LAMA2: variants seen among roughly 807,000 people sequenced by gnomAD.
LAMA2 encodes the protein laminin subunit alpha 2, also known as laminin subunit alpha-2.
A neutral mutation model predicts 364.8 loss-of-function variants in LAMA2; 269 were observed. The observed-to-expected ratio is 0.74, with a 90% CI of 0.67 to 0.82. The LOEUF (loss-of-function observed/expected upper bound fraction) is 0.82. LAMA2 is among the 40% of genes least tolerant of loss of function. The pLI, the probability that LAMA2 is intolerant of heterozygous loss-of-function variation, is 0.00. For missense variants in LAMA2, 3,807 were observed against 3,873.2 expected (o/e 0.98, Z 0.45); for synonymous variants, 1,379 against 1,370.6 (o/e 1.01, Z -0.14).
intron 1 of LAMA2, among the ~76,000 whole-genome samples, chr6:128,975,517 A>C (rs555609944): frequency 6.6e-6 from 1 of 152,198 alleles, no homozygotes; most frequent in Non-Finnish European, 1.5e-5. Context: ...GATGGAGGAC[A>C]AAGAGGCAGC....
chr6:129,318,216 A>G (rs1228605172), intron 27 of LAMA2, among the ~76,000 whole-genome samples: 1 of 152,212 alleles, frequency 6.6e-6, no homozygotes, highest in Non-Finnish European at 1.5e-5. Context: ...AGAGAGTTTA[A>G]GAGTTTATAT....
chr6:129,225,209 T>A (rs549147199), intron 12 of LAMA2, among the ~76,000 whole-genome samples: 4 of 152,206 alleles, frequency 2.6e-5, no homozygotes, highest in Non-Finnish European at 5.9e-5. Flanking sequence ...TTGCATCTAT[T>A]TGATTCTTCT....
Position 129,478,813 on chromosome 6 carries a change from G to A in LAMA2, c.7572G>A (p.Glu2524=), listed in dbSNP as rs1784212340. The A allele has an allele frequency of 3.1e-6, 5 of 1,612,850 alleles. No homozygotes were observed. Among genetic ancestry groups the A allele is most frequent in the South Asian group, 1.1e-5 (1 of 91,074 alleles). Residue 2524 remains glutamate, a splice_region_variant and synonymous_variant, in exon 54 of 65, where the codon GAG becomes GAA. Transcript: ENST00000421865. ...YVGVTKGCSL[E]NVYTVSFPKP... ...GTGTTACCAAAGGATGTTCCCTGGA[G>A]GTTGGTCTGTTTTTGATAGTTCTCT...
intron 1 of LAMA2, among the ~76,000 whole-genome samples, chr6:128,889,463 G>A (rs1776324262): frequency 6.6e-6 from 1 of 152,038 alleles, no homozygotes; most frequent in South Asian, 2.1e-4. Flanking sequence ...TTGGACTATA[G>A]TAATGCAATT....
chr6:129,373,931 A>G (rs926822284), intron 34 of LAMA2, among the ~76,000 whole-genome samples: 1 of 152,144 alleles, frequency 6.6e-6, no homozygotes, highest in Non-Finnish European at 1.5e-5. Flanking sequence ...TTACTCTTTT[A>G]TGCCCTTTTC....
rs80324698 is a variant in LAMA2, at chr6:129,368,724, T to C, written c.4861-1168T>C. On this transcript the variant is annotated intron_variant, in intron 33 of 64. Coordinates refer to ENST00000421865, the MANE Select transcript of LAMA2 (RefSeq NM_000426.4). Reference sequence around the variant, plus strand: ...TGGCTGGATATTGATCCAGATGACCTGGATTATCCTTAAATTCTAGTCTTT... The same window carrying C: ...TGGCTGGATATTGATCCAGATGACCCGGATTATCCTTAAATTCTAGTCTTT... Among the ~76,000 whole-genome samples, 1,346 of 152,352 alleles carry C rather than the reference T, an allele frequency of 8.8e-3. 20 individuals are homozygous for C. The highest frequency in any genetic ancestry group is 0.031 in the African/African-American group (1,294 of 41,578).
intron 1 of LAMA2, among the ~76,000 whole-genome samples, chr6:129,048,283 C>CT (rs1787680188): frequency 6.6e-6 from 1 of 152,042 alleles, no homozygotes; most frequent in Non-Finnish European, 1.5e-5. Context: ...AGTGCCTACT[C>CT]TGTCCCTACT....
intron 1 of LAMA2, among the ~76,000 whole-genome samples, chr6:128,923,467 T>C (rs1488880006): frequency 6.6e-6 from 1 of 152,068 alleles, no homozygotes; most frequent in African/African-American, 2.4e-5. Context: ...GAATGTCTGT[T>C]GTTTTAAGCC....
intron 17 of LAMA2, among the ~76,000 whole-genome samples, chr6:129,274,161 A>G (rs78649511): frequency 0.014 from 2,078 of 151,254 alleles, 52 homozygotes; most frequent in African/African-American, 0.048. Flanking sequence ...ACAATTTTAC[A>G]TTTAAAACAA....
intron 58 of LAMA2, among the ~76,000 whole-genome samples, chr6:129,495,022 G>A (rs1472975276): frequency 6.6e-6 from 1 of 152,156 alleles, no homozygotes. Flanking sequence ...AAATTGGCAA[G>A]AGCCCTAAAG....
At position 129,053,952 on chromosome 6, in the gene LAMA2, G is replaced by A. The variant is rs188321271; in HGVS notation, c.283+3864G>A. ...AGGCAGGGAAGTTGAAGACCAAGTGGTGGTGGGCATGGTGTCTCTCTAGAA... is the reference window on the plus strand; with the variant it reads ...AGGCAGGGAAGTTGAAGACCAAGTGATGGTGGGCATGGTGTCTCTCTAGAA... On this transcript the variant is annotated intron_variant, in intron 2 of 64. Transcript: ENST00000421865. 2.6e-4 allele frequency among the ~76,000 whole-genome samples: 39 copies of A among 152,314 alleles called. 1 individual carries two copies. The South Asian group carries it at 6.4e-3, about 25-fold the overall frequency.
chr6:129,207,816 G>A (rs1248970230), intron 12 of LAMA2, among the ~76,000 whole-genome samples: 2 of 151,888 alleles, frequency 1.3e-5, no homozygotes, highest in Non-Finnish European at 2.9e-5. Context: ...GGTCAAGAAA[G>A]TTCACGAAGT....
chr6:128,973,574 C>T (rs1462678336), intron 1 of LAMA2, among the ~76,000 whole-genome samples: 1 of 152,086 alleles, frequency 6.6e-6, no homozygotes, highest in African/African-American at 2.4e-5. Context: ...CTTCTTTCAG[C>T]TATATACTTC....
chr6:129,224,192 T>C (rs1456343108), intron 12 of LAMA2, among the ~76,000 whole-genome samples: 2 of 152,232 alleles, frequency 1.3e-5, no homozygotes, highest in Non-Finnish European at 2.9e-5. Context: ...TCTACATTGA[T>C]TTTGTATCCT....
chr6:128,992,647 C>CA (rs369924591), intron 1 of LAMA2, among the ~76,000 whole-genome samples: 1 of 152,158 alleles, frequency 6.6e-6, no homozygotes, highest in African/African-American at 2.4e-5. Context: ...TTAAATTCAA[C>CA]AAAAAAGTCT....
chr6:129,513,037 T>TAAAC (rs1418697438), intron 63 of LAMA2, among the ~76,000 whole-genome samples: 2 of 152,182 alleles, frequency 1.3e-5, no homozygotes, highest in Non-Finnish European at 2.9e-5. Context: ...AATCAAATTC[T>TAAAC]AAACACCTCT....
chr6:129,313,187 T>A (rs1774341605), intron 23 of LAMA2, 90 bp downstream of exon 23: 6 of 779,610 alleles, frequency 7.7e-6, no homozygotes, highest in Non-Finnish European at 8.5e-6. Flanking sequence ...TTGTTATACC[T>A]GCTTCATTAA....
chr6:129,410,626 T>G (rs1780485065), intron 40 of LAMA2, among the ~76,000 whole-genome samples: 2 of 152,152 alleles, frequency 1.3e-5, no homozygotes, highest in South Asian at 4.1e-4. Context: ...GATAGATAGA[T>G]AGATACATTG....
chr6:128,926,059 A>G (rs1368878160), intron 1 of LAMA2, among the ~76,000 whole-genome samples: 1 of 152,252 alleles, frequency 6.6e-6, no homozygotes, highest in Middle Eastern at 3.4e-3. Flanking sequence ...GTTTCACCAG[A>G]TCTAGGATTT....
Sources: gnomAD v4.1 joint callset for allele counts (sites outside exome capture counted in the v4.1 genomes callset) on GRCh38, gnomAD v4.1.1 for gene constraint, MANE v1.5 for transcripts, NCBI Gene and HGNC (gene_info 2026-07-23, HGNC 2026-07-21) for gene names.